Variants in MAP3K2 observed in about 807,000 individuals in gnomAD.
The protein encoded by MAP3K2 is mitogen-activated protein kinase kinase kinase 2.
A neutral mutation model predicts 80.3 loss-of-function variants in MAP3K2; 24 were observed. That is an observed-to-expected ratio of 0.30 (90% CI 0.22 to 0.42). The LOEUF is 0.42. Among genes scored for constraint, MAP3K2 ranks in the 10% least tolerant of loss-of-function variants. The pLI, the probability that MAP3K2 is intolerant of heterozygous loss-of-function variation, is 1.00. For missense variants in MAP3K2, 608 were observed against 750.1 expected, an observed-to-expected ratio of 0.81 and a Z score of 2.21; for synonymous variants, 244 against 253.7, an observed-to-expected ratio of 0.96 and a Z score of 0.36.
rs148001661 is a variant in MAP3K2 at position 127,356,688 on chromosome 2, G to C, written c.-65-13494C>G. 2.3e-3 allele frequency among the ~76,000 whole-genome samples: 355 copies of C among 152,286 alleles called. 5 individuals carry two copies. The highest frequency in any genetic ancestry group is 7.6e-3 in the African/African-American group (316 of 41,566). On this transcript the variant is annotated intron_variant, in intron 1 of 16. Coordinates refer to ENST00000682094, the MANE Select transcript of MAP3K2 (RefSeq NM_001371910.2). ...ATTGGACTATCATATGCAGAAGAAT[G>C]AAACTGAATCATTATGTCTCACCGT...
chr2:127,362,907 G>A (rs1686915216), intron 1 of MAP3K2, among the ~76,000 whole-genome samples: 2 of 152,204 alleles, frequency 1.3e-5, no homozygotes, highest in Non-Finnish European at 2.9e-5. Context: ...ACACACTACA[G>A]TTGGCCCTCC....
intron 1 of MAP3K2, among the ~76,000 whole-genome samples, chr2:127,362,372 T>C (rs1686906784): frequency 6.6e-6 from 1 of 152,250 alleles, no homozygotes; most frequent in African/African-American, 2.4e-5. Context: ...GGCTGGCATA[T>C]AGTAGTAATT....
intron 1 of MAP3K2, among the ~76,000 whole-genome samples, chr2:127,362,173 C>T (rs767180077): frequency 6.6e-6 from 1 of 152,214 alleles, no homozygotes; most frequent in African/African-American, 2.4e-5. Context: ...AGAGCTCAGA[C>T]GGTGGAACCA....
Position 127,344,365 on chromosome 2 carries a change from G to C in MAP3K2, c.-65-1171C>G, listed in dbSNP as rs73956524. On this transcript the variant is annotated intron_variant, in intron 1 of 16. Transcript: ENST00000682094. ...CAGACACAAAATTATTTTAAAAATTGTTGGCTAGTACAGTGGCTCACACTT... is the reference window on the plus strand; with the variant it reads ...CAGACACAAAATTATTTTAAAAATTCTTGGCTAGTACAGTGGCTCACACTT... Among the ~76,000 whole-genome samples the C allele has an allele frequency of 8.3e-3, 1,255 of 151,920 alleles. 9 individuals carry two copies. The highest frequency in any genetic ancestry group is 0.029 in the African/African-American group (1,186 of 41,412).
chr2:127,330,791 G>A (rs1480606769), intron 5 of MAP3K2, among the ~76,000 whole-genome samples: 1 of 151,940 alleles, frequency 6.6e-6, no homozygotes, highest in Non-Finnish European at 1.5e-5. Flanking sequence ...CCATAATATT[G>A]CTAAATTTAA....
chr2:127,377,040 G>T (rs1213232063), intron 1 of MAP3K2, among the ~76,000 whole-genome samples: 1 of 151,240 alleles, frequency 6.6e-6, no homozygotes, highest in Non-Finnish European at 1.5e-5. Context: ...CAGCCTGAAT[G>T]ATAGAGCGAG....
At chr2:127,347,775 G>A (rs905777986) in intron 1 of MAP3K2, among the ~76,000 whole-genome samples, 2 of 152,042 alleles carry the variant, frequency 1.3e-5, no homozygotes, top group South Asian at 2.1e-4. Flanking sequence ...GCACTGAATA[G>A]CCACAACAAT....
chr2:127,343,707 GATAGAGTTACATAAAA>G (rs1383900566), intron 1 of MAP3K2, among the ~76,000 whole-genome samples: 6 of 152,118 alleles, frequency 3.9e-5, no homozygotes, highest in South Asian at 2.1e-4. Context: ...AAAGGGAAAG[GATAGAGTTACATAAAA>G]GAAAGGTGTT....
intron 7 of MAP3K2, among the ~76,000 whole-genome samples, chr2:127,328,867 T>C (rs1686196042): frequency 2.6e-5 from 4 of 152,312 alleles, no homozygotes; most frequent in Non-Finnish European, 4.4e-5. Context: ...TTGTTTTTCC[T>C]CCTCTTTAAC....
chr2:127,310,695 T>G lies in MAP3K2; in HGVS notation c.1457-1933A>C, dbSNP rs1685793317. On this transcript the variant is annotated intron_variant, in intron 15 of 16. Coordinates refer to ENST00000682094, the MANE Select transcript of MAP3K2 (RefSeq NM_001371910.2). The surrounding 1 kb of genome is among the most constrained non-coding windows in gnomAD (Gnocchi z 4.8). ...ACCAAGCTTGGGCACTAGGCTCACT[T>G]GTTTTTTATTCTCTATTTTCACTCT... 6.6e-6 allele frequency among the ~76,000 whole-genome samples: 1 copy of G among 152,110 alleles called. No individual in the cohort carries two copies. The highest frequency in any genetic ancestry group is 1.5e-5 in the Non-Finnish European group (1 of 68,008).
At chr2:127,377,648 A>G (rs566900116) in intron 1 of MAP3K2, among the ~76,000 whole-genome samples, 85 of 152,208 alleles carry the variant, frequency 5.6e-4, no homozygotes, top group Non-Finnish European at 9.4e-4. Context: ...ATAGTTATTA[A>G]GTTTAAAAAT....
intron 1 of MAP3K2, among the ~76,000 whole-genome samples, chr2:127,370,931 G>A (rs1687052996): frequency 6.6e-6 from 1 of 152,136 alleles, no homozygotes; most frequent in Non-Finnish European, 1.5e-5. Flanking sequence ...CAATAAACTA[G>A]AAGAAAAGAC....
chr2:127,348,397 A>C (rs1040701685), intron 1 of MAP3K2, among the ~76,000 whole-genome samples: 1 of 152,138 alleles, frequency 6.6e-6, no homozygotes, highest in Non-Finnish European at 1.5e-5. Context: ...CCAATAAATA[A>C]ATAAACAAAT....
At chr2:127,308,349 A>C (rs913634362) in intron 16 of MAP3K2, among the ~76,000 whole-genome samples, 6 of 152,242 alleles carry the variant, frequency 3.9e-5, no homozygotes, top group Admixed American at 1.3e-4. Flanking sequence ...TTTAATGCTG[A>C]GGTTTGCTCA....
intron 5 of MAP3K2, 61 bp from the exon 6 acceptor site, chr2:127,330,566 T>C: frequency 1.4e-6 from 1 of 727,290 alleles, no homozygotes; most frequent in Non-Finnish European, 2.4e-6. Context: ...TCCATGAGCA[T>C]CTCCACTACT....
In MAP3K2 at chr2:127,305,745, C is replaced by G. The variant is rs536427889; in HGVS notation, c.*1834G>C. ...TGCTTTAACATGCTGAAAAAAACTG[C>G]AAGTGGCCAAATTGCTGATATCTTC... is the stretch of plus-strand genomic sequence containing the variant. On this transcript the variant is annotated 3_prime_UTR_variant, in exon 17 of 17. Coordinates refer to ENST00000682094, the MANE Select transcript of MAP3K2 (RefSeq NM_001371910.2). The G allele has an allele frequency of 2.0e-5, 3 of 152,152 alleles. No homozygotes were observed. In the South Asian group the frequency reaches 6.2e-4, roughly 32 times the overall value. The allele number at this position is 152,152 out of a possible 1,614,324, so 9.4% of individuals were successfully genotyped here.
intron 1 of MAP3K2, among the ~76,000 whole-genome samples, chr2:127,374,081 G>A (rs533196095): frequency 6.6e-6 from 1 of 152,306 alleles, no homozygotes; most frequent in East Asian, 1.9e-4. Context: ...CGGCTGTCTG[G>A]TGGAGATCAC....
At chr2:127,358,012 C>A (rs910299932) in intron 1 of MAP3K2, among the ~76,000 whole-genome samples, 1 of 151,808 alleles carries the variant, frequency 6.6e-6, no homozygotes, top group African/African-American at 2.4e-5. Context: ...CTTCAAAAAA[C>A]ACCATTAAAA....
intron 1 of MAP3K2, among the ~76,000 whole-genome samples, chr2:127,345,702 G>C (rs1236896143): frequency 6.6e-6 from 1 of 152,084 alleles, no homozygotes; most frequent in African/African-American, 2.4e-5. Context: ...AATAAAATTA[G>C]AAATTGGCAA....
Sources: gnomAD v4.1 joint callset for allele counts (sites outside exome capture counted in the v4.1 genomes callset) on GRCh38, gnomAD v4.1.1 for gene constraint, Gnocchi (gnomAD v3.1) non-coding constraint, MANE v1.5 for transcripts, NCBI Gene and HGNC (gene_info 2026-07-23, HGNC 2026-07-21) for gene names.